Variants in HERC3 observed in about 807,000 individuals in gnomAD.
The protein encoded by HERC3 is probable E3 ubiquitin-protein ligase HERC3.
In HERC3, 58 loss-of-function variants were observed where a neutral mutation model predicts 129.9. The ratio of observed to expected loss-of-function variants is 0.45; its 90% CI spans 0.36 to 0.56. HERC3 has a LOEUF of 0.56. Among genes scored for constraint, HERC3 ranks in the 20% least tolerant of loss-of-function variants. HERC3 has a pLI of 0.00. For synonymous variants in HERC3, 430 were observed against 451.0 expected, an observed-to-expected ratio of 0.95 and a Z score of 0.59; for missense variants, 835 against 1,244.2, an observed-to-expected ratio of 0.67 and a Z score of 4.95.
Position 88,596,394 on chromosome 4 carries a change from G to A in HERC3, c.-30+780G>A, listed in dbSNP as rs572480552. The stretch of plus-strand genomic sequence containing the variant: ...ACTGGTTTTATTATTACTCAGGGTG[G>A]GGGATCTTTAACATTATCTGGAAAA... On this transcript the variant is annotated intron_variant, in intron 2 of 25. Coordinates refer to ENST00000402738, the MANE Select transcript of HERC3 (RefSeq NM_014606.3). Among the ~76,000 whole-genome samples the A allele has an allele frequency of 1.5e-3, 224 of 152,236 alleles. No homozygotes were observed. The Middle Eastern group carries it at 0.02, about 14-fold the overall frequency.
the HERC3 span, among the ~76,000 whole-genome samples, chr4:88,551,053 A>G: frequency 6.8e-6 from 1 of 147,504 alleles, no homozygotes; most frequent in African/African-American, 2.5e-5. Context: ...CCTATTTAAT[A>G]AATGGTGCTG....
At chr4:88,681,476 T>G in intron 21 of HERC3, 151 bp downstream of exon 21, 1 of 654,160 alleles carries the variant, frequency 1.5e-6, no homozygotes, top group Non-Finnish European at 2.6e-6. Context: ...GATGTAGCTG[T>G]GCAGCTACTT....
chr4:88,599,589 C>T (rs1007620632), intron 2 of HERC3, among the ~76,000 whole-genome samples: 3 of 152,134 alleles, frequency 2.0e-5, no homozygotes, highest in Non-Finnish European at 4.4e-5. Context: ...CTCTCAAGGA[C>T]TGACTCGTGC....
intron 25 of HERC3, 97 bp downstream of exon 25, chr4:88,704,707 A>C: frequency 1.3e-6 from 1 of 741,806 alleles, no homozygotes; most frequent in Middle Eastern, 2.4e-4. Context: ...AACTCATTTA[A>C]ATGGTAAAGA....
At chr4:88,543,449 G>C in the HERC3 span, among the ~76,000 whole-genome samples, 8 of 152,258 alleles carry the variant, frequency 5.3e-5, no homozygotes, top group Middle Eastern at 3.4e-3. Context: ...ACAAACGAAT[G>C]GAAGAACATT....
In HERC3 at chr4:88,642,130, C is replaced by CAA. The variant is rs200464130; in HGVS notation, c.227-7689_227-7688dup. On this transcript the variant is annotated intron_variant, in intron 3 of 25. Transcript: ENST00000402738. ...GGGGCAACAGAGCGAGACTCTGTCT[C>CAA]AAAAAAAAAAAAAAAAAAAAAAGGA... Among the ~76,000 whole-genome samples, 585 of 76,072 alleles carry CAA rather than the reference C, an allele frequency of 7.7e-3. 12 individuals carry two copies. Among genetic ancestry groups the CAA allele is most frequent in the African/African-American group, 0.022 (428 of 19,528 alleles). The allele number at this position is 76,072 out of a possible 152,430, so 49.9% of individuals were successfully genotyped here.
At chr4:88,618,152 G>A (rs1725126537) in intron 3 of HERC3, among the ~76,000 whole-genome samples, 1 of 152,198 alleles carries the variant, frequency 6.6e-6, no homozygotes, top group African/African-American at 2.4e-5. Context: ...AACTAATTAT[G>A]GAATGTTTTT....
chr4:88,552,523 G>T, the HERC3 span, among the ~76,000 whole-genome samples: 6,258 of 152,186 alleles, frequency 0.041, 413 homozygotes, highest in African/African-American at 0.14. Context: ...AAAGTGCTGG[G>T]GTTACAGGCA....
chr4:88,679,374 A>G (rs1732508204), intron 19 of HERC3, among the ~76,000 whole-genome samples: 1 of 152,176 alleles, frequency 6.6e-6, no homozygotes, highest in Non-Finnish European at 1.5e-5. Context: ...TCTCCCAGAA[A>G]GTGTTCTTTT....
intron 16 of HERC3, among the ~76,000 whole-genome samples, chr4:88,674,133 C>G (rs1402198864): frequency 6.6e-6 from 1 of 152,098 alleles, no homozygotes; most frequent in Non-Finnish European, 1.5e-5. Context: ...GTTCCTTCAC[C>G]TCTGGGGTGT....
intron 25 of HERC3, 72 bp downstream of exon 25, chr4:88,704,682 C>A: frequency 1.1e-6 from 1 of 908,646 alleles, no homozygotes; most frequent in Non-Finnish European, 1.8e-6. Flanking sequence ...ATGACATGCT[C>A]CACAGCTGAG....
chr4:88,608,308 C>T (rs114541348), intron 3 of HERC3, among the ~76,000 whole-genome samples: 5 of 152,214 alleles, frequency 3.3e-5, no homozygotes, highest in South Asian at 4.1e-4. Context: ...TCAGGAAGCC[C>T]GCTGTGAGAA....
Position 88,680,080 on chromosome 4 carries a change from C to T in HERC3, c.2197-13C>T. 1 of 1,601,188 alleles carries T rather than the reference C, an allele frequency of 6.2e-7. No individual in the cohort carries two copies. Among genetic ancestry groups the T allele is most frequent in the Non-Finnish European group, 8.5e-7 (1 of 1,174,778 alleles). ...ATTTCCCGGAAGCATTAATTCTATT[C>T]TATTATTTTAAGGTAATCTTTGATG... On this transcript the variant is annotated splice_polypyrimidine_tract_variant and intron_variant, in intron 19 of 25. Coordinates refer to ENST00000402738, the MANE Select transcript of HERC3 (RefSeq NM_014606.3).
At chr4:88,594,430 G>T (rs555990418) in intron 1 of HERC3, among the ~76,000 whole-genome samples, 1 of 152,248 alleles carries the variant, frequency 6.6e-6, no homozygotes, top group Admixed American at 6.5e-5. Flanking sequence ...GAGATGGGGG[G>T]TCTCGCTCTG....
chr4:88,531,201 AT>A, the HERC3 span, among the ~76,000 whole-genome samples: 1 of 151,052 alleles, frequency 6.6e-6, no homozygotes, highest in East Asian at 1.9e-4. Context: ...AAAATTTAAA[AT>A]TTTTTTAAAA....
the HERC3 span, among the ~76,000 whole-genome samples, chr4:88,531,949 C>G: frequency 2.6e-5 from 4 of 152,114 alleles, no homozygotes; most frequent in Non-Finnish European, 4.4e-5. Context: ...CACCAAAACT[C>G]CAGAAGCAGC....
chr4:88,705,211 G>A (rs774182809), intron 25 of HERC3, among the ~76,000 whole-genome samples: 2 of 152,104 alleles, frequency 1.3e-5, no homozygotes, highest in Non-Finnish European at 2.9e-5. Context: ...TTATATGTAA[G>A]TTATTCAAGT....
At chr4:88,679,416 A>G (rs1015550529) in intron 19 of HERC3, among the ~76,000 whole-genome samples, 4 of 152,020 alleles carry the variant, frequency 2.6e-5, no homozygotes, top group East Asian at 3.9e-4. Context: ...ATTTTTTTCT[A>G]TGTGCCAGAA....
chr4:88,617,357 TAACAACAAC>T (rs201293085), intron 3 of HERC3, among the ~76,000 whole-genome samples: 1 of 151,880 alleles, frequency 6.6e-6, no homozygotes, highest in Non-Finnish European at 1.5e-5. Context: ...AGAGAGCCCT[TAACAACAAC>T]AACAACAAAA....
Sources: allele counts gnomAD v4.1 joint callset (sites outside exome capture counted in the v4.1 genomes callset), GRCh38; gene constraint gnomAD v4.1.1; transcripts MANE v1.5; gene names NCBI Gene and HGNC (gene_info 2026-07-23, HGNC 2026-07-21).